Variants in ZNF385C observed in about 807,000 individuals in gnomAD.
The protein encoded by ZNF385C is CTD-2132N18.2.
ZNF385C carries 28 observed loss-of-function variants against 35.4 expected under a neutral mutation model. That is an observed-to-expected ratio of 0.79 (90% confidence interval 0.59 to 1.08). The LOEUF is 1.08. Among genes scored for constraint, ZNF385C ranks in the 50% least tolerant of loss-of-function variants. ZNF385C has a pLI of 0.00. For missense variants in ZNF385C, 605 were observed against 595.6 expected (o/e 1.02, Z -0.16); for synonymous variants, 248 against 248.2 (o/e 1.00, Z 0.01).
At chr17:42,054,865 A>G (rs2053348058) in intron 2 of ZNF385C, among the ~76,000 whole-genome samples, 1 of 152,128 alleles carries the variant, frequency 6.6e-6, no homozygotes, top group Non-Finnish European at 1.5e-5. Flanking sequence ...TACAGGTGTG[A>G]GCCACAGCAC....
intron 1 of ZNF385C, among the ~76,000 whole-genome samples, chr17:42,066,232 G>T (rs1479753231): frequency 1.1e-4 from 17 of 151,998 alleles, no homozygotes; most frequent in African/African-American, 4.1e-4. Flanking sequence ...GCTAATTTTT[G>T]TATTTTTAGT....
intron 1 of ZNF385C, among the ~76,000 whole-genome samples, chr17:42,066,206 C>T (rs782197373): frequency 1.3e-5 from 2 of 152,088 alleles, no homozygotes; most frequent in Admixed American, 1.3e-4. Context: ...ACTACAGGCG[C>T]GTGCCACCAC....
At chr17:42,058,949 G>A (rs1443115629) in intron 2 of ZNF385C, among the ~76,000 whole-genome samples, 1 of 152,186 alleles carries the variant, frequency 6.6e-6, no homozygotes, top group Non-Finnish European at 1.5e-5. Context: ...GAGCCACCGC[G>A]CCTGACCAAG....
At chr17:42,073,306 C>T (rs1385933292) in intron 1 of ZNF385C, among the ~76,000 whole-genome samples, 6 of 151,970 alleles carry the variant, frequency 3.9e-5, no homozygotes, top group Non-Finnish European at 7.4e-5. Flanking sequence ...GGTAGTGGCA[C>T]GCCTGTAATC....
chr17:42,057,339 C>A (rs782701901), intron 2 of ZNF385C, among the ~76,000 whole-genome samples: 4 of 152,138 alleles, frequency 2.6e-5, no homozygotes, highest in Non-Finnish European at 5.9e-5. Context: ...CTAAGCAGAT[C>A]CTCTGTGTGG....
chr17:42,040,109 G>A (rs1598184430), intron 2 of ZNF385C: 4 of 1,231,326 alleles, frequency 3.2e-6, no homozygotes, highest in Non-Finnish European at 3.0e-6. Context: ...AGCAGCACCC[G>A]CAGCGCCCCC....
At chr17:42,062,750 C>G in intron 2 of ZNF385C, 57 bp downstream of exon 2, 1 of 500,512 alleles carries the variant, frequency 2.0e-6, no homozygotes, top group African/African-American at 2.0e-5. Context: ...CAGAGGGGCC[C>G]AGACAGAGAT....
chr17:42,085,849 G>A (rs969960285), intron 1 of ZNF385C, among the ~76,000 whole-genome samples: 4 of 148,872 alleles, frequency 2.7e-5, no homozygotes, highest in Non-Finnish European at 4.5e-5. Context: ...CACCCACCTC[G>A]GCCTCCCAAA....
chr17:42,080,255 C>T (rs528339013), intron 1 of ZNF385C, among the ~76,000 whole-genome samples: 7 of 152,160 alleles, frequency 4.6e-5, no homozygotes, highest in South Asian at 4.1e-4. Flanking sequence ...GGGGTCCTCA[C>T]GGGGACCTTG....
At chr17:42,035,137 AAAGAG>A (rs2052822672) in intron 3 of ZNF385C, among the ~76,000 whole-genome samples, 1 of 151,024 alleles carries the variant, frequency 6.6e-6, no homozygotes, top group African/African-American at 2.4e-5. Context: ...AAAAAAAAAA[AAAGAG>A]AAGAGAAAAG....
chr17:42,092,611 C>A (rs1227500823), intron 1 of ZNF385C, among the ~76,000 whole-genome samples: 3 of 152,200 alleles, frequency 2.0e-5, no homozygotes, highest in Non-Finnish European at 4.4e-5. Context: ...CTGGCTCAAG[C>A]CTCTGCCAAC....
chr17:42,037,704 G>T, intron 3 of ZNF385C, 33 bp downstream of exon 3: 1 of 1,485,822 alleles, frequency 6.7e-7, no homozygotes, highest in Non-Finnish European at 9.0e-7. Flanking sequence ...ACAAGCTTGT[G>T]TGCATGCCCC....
At chr17:42,071,131 G>A (rs2053618549) in intron 1 of ZNF385C, among the ~76,000 whole-genome samples, 1 of 152,166 alleles carries the variant, frequency 6.6e-6, no homozygotes, top group African/African-American at 2.4e-5. Context: ...AGAACAGGAG[G>A]CCCGGGGGCT....
chr17:42,034,784 C>CAAAA (rs71357525), intron 3 of ZNF385C, among the ~76,000 whole-genome samples: 2 of 64,188 alleles, frequency 3.1e-5, no homozygotes, highest in African/African-American at 9.6e-5. Context: ...AACTTCGTCT[C>CAAAA]AAAAAAAAAA....
At position 42,027,613 on chromosome 17, in the gene ZNF385C, G is replaced by A. The variant is rs374964032; in HGVS notation, c.1275+5C>T. On this transcript the variant is annotated splice_donor_5th_base_variant and intron_variant, in intron 8 of 8. Coordinates refer to ENST00000692273, the MANE Select transcript of ZNF385C (RefSeq NM_001392013.1). Reference sequence around the variant, plus strand: ...GTCCCAGCTCTGTTGCCTGGAGACAGATACCTTGAGGATACTCACAGCCAG... The same window carrying A: ...GTCCCAGCTCTGTTGCCTGGAGACAAATACCTTGAGGATACTCACAGCCAG... 9 of 1,341,744 alleles carry A rather than the reference G, an allele frequency of 6.7e-6. No homozygotes were observed. Among genetic ancestry groups the A allele is most frequent in the Non-Finnish European group, 8.8e-6 (9 of 1,017,932 alleles). 83.1% of individuals were successfully genotyped at this position (1,341,744 alleles called of 1,614,324 possible). A position where few individuals can be genotyped will look rare whatever the true frequency, so the allele number is the denominator to read the frequency against.
chr17:42,037,689 C>T (rs1006117462), intron 3 of ZNF385C, 48 bp downstream of exon 3: 19 of 1,461,014 alleles, frequency 1.3e-5, no homozygotes, highest in African/African-American at 1.3e-4. Flanking sequence ...CTTCTGTGCC[C>T]ACCCACAAGC....
At chr17:42,090,831 G>A (rs1345127452) in intron 1 of ZNF385C, among the ~76,000 whole-genome samples, 1 of 151,932 alleles carries the variant, frequency 6.6e-6, no homozygotes, top group Admixed American at 6.6e-5. Flanking sequence ...GCAGTGAGCC[G>A]AGATCCTGCC....
At chr17:42,057,526 G>A (rs1176515255) in intron 2 of ZNF385C, among the ~76,000 whole-genome samples, 1 of 151,724 alleles carries the variant, frequency 6.6e-6, no homozygotes, top group African/African-American at 2.4e-5. Flanking sequence ...GTGTGTGTGT[G>A]TGTGTGTGTG....
At chr17:42,040,193 C>T in intron 2 of ZNF385C, 3 of 1,231,564 alleles carry the variant, frequency 2.4e-6, no homozygotes, top group South Asian at 4.1e-5. Context: ...AAGGCGGCCA[C>T]GGCGTCCAGC....
Sources: allele counts gnomAD v4.1 joint callset (sites outside exome capture counted in the v4.1 genomes callset), GRCh38; gene constraint gnomAD v4.1.1; transcripts MANE v1.5; gene names NCBI Gene and HGNC (gene_info 2026-07-23, HGNC 2026-07-21).